Variants in TRMT9B observed in about 807,000 individuals in gnomAD.
TRMT9B encodes probable tRNA methyltransferase 9B.
Under a neutral mutation model 11.5 loss-of-function variants are expected in TRMT9B, and 16 were observed. The ratio of observed to expected loss-of-function variants is 1.39; its 90% CI spans 0.94 to 2.11. TRMT9B has a LOEUF of 2.11. Among genes scored for constraint, TRMT9B ranks in the 30% most tolerant of loss-of-function variants. TRMT9B has a pLI of 0.00. For missense variants in TRMT9B, 941 were observed against 553.8 expected, an observed-to-expected ratio of 1.70 and a Z score of -7.02; for synonymous variants, 274 against 192.4, an observed-to-expected ratio of 1.42 and a Z score of -3.51.
At chr8:12,998,198 C>A (rs1033037744) in intron 2 of TRMT9B, among the ~76,000 whole-genome samples, 1 of 152,076 alleles carries the variant, frequency 6.6e-6, no homozygotes, top group Non-Finnish European at 1.5e-5. Context: ...TTGAATTTTC[C>A]TTCTCTTCAT....
chr8:12,996,977 TTTATTTTATTTTATTTTATTTTATTTTA>T (rs1808468400), intron 2 of TRMT9B, among the ~76,000 whole-genome samples: 1 of 111,182 alleles, frequency 9.0e-6, no homozygotes, highest in African/African-American at 4.0e-5. Flanking sequence ...TTTATTTTAT[TTTATTTTATTTTATTTTATTTTATTTTA>T]TTTTTTATTT....
chr8:12,960,986 C>A (rs1303995214), intron 1 of TRMT9B, among the ~76,000 whole-genome samples: 1 of 151,964 alleles, frequency 6.6e-6, no homozygotes, highest in Non-Finnish European at 1.5e-5. Flanking sequence ...ACTAAAAATA[C>A]AAAAATTAGC....
intron 1 of TRMT9B, among the ~76,000 whole-genome samples, chr8:12,976,907 GA>G (rs1804549225): frequency 6.6e-6 from 1 of 152,130 alleles, no homozygotes; most frequent in African/African-American, 2.4e-5. Context: ...ATCTGGGAGG[GA>G]GTTGGGGTAA....
intron 2 of TRMT9B, among the ~76,000 whole-genome samples, chr8:12,991,309 C>G (rs1207141129): frequency 6.6e-6 from 1 of 152,018 alleles, no homozygotes; most frequent in Non-Finnish European, 1.5e-5. Context: ...TTTTATCACA[C>G]AAAAGTTTAC....
At chr8:12,956,960 A>G (rs1160586442) in intron 1 of TRMT9B, among the ~76,000 whole-genome samples, 3 of 152,220 alleles carry the variant, frequency 2.0e-5, no homozygotes, top group African/African-American at 7.2e-5. Context: ...GGTCTTGATT[A>G]TTGAACAAAA....
At chr8:12,984,179 G>A (rs986633914) in intron 1 of TRMT9B, among the ~76,000 whole-genome samples, 6 of 152,124 alleles carry the variant, frequency 3.9e-5, no homozygotes, top group South Asian at 2.1e-4. Context: ...TGTATATAAG[G>A]TATTATGAAA....
At chr8:12,957,024 G>A (rs77659069) in intron 1 of TRMT9B, among the ~76,000 whole-genome samples, 179 of 152,224 alleles carry the variant, frequency 1.2e-3, no homozygotes, top group African/African-American at 3.6e-3. Context: ...GAAAATATTC[G>A]TCCAGGGAGT....
chr8:12,968,489 A>C (rs1006633483), intron 1 of TRMT9B, among the ~76,000 whole-genome samples: 3 of 152,218 alleles, frequency 2.0e-5, no homozygotes, highest in African/African-American at 7.2e-5. Context: ...ACATAGTTTT[A>C]AATAAATTAC....
chr8:12,978,556 A>G (rs1021696135), intron 1 of TRMT9B, among the ~76,000 whole-genome samples: 1 of 141,500 alleles, frequency 7.1e-6, no homozygotes, highest in Non-Finnish European at 1.6e-5. Context: ...AGATAGATAG[A>G]TAGATAGATA....
chr8:13,012,933 A>G, intron 4 of TRMT9B, 76 bp downstream of exon 4: 3 of 1,498,584 alleles, frequency 2.0e-6, no homozygotes, highest in Non-Finnish European at 2.7e-6. Context: ...TCATGACTCA[A>G]CATCCGTTCT....
At chr8:13,015,031 C>T (rs1056050674) in intron 4 of TRMT9B, among the ~76,000 whole-genome samples, 1 of 150,590 alleles carries the variant, frequency 6.6e-6, no homozygotes, top group African/African-American at 2.4e-5. Flanking sequence ...TGCACTCCAG[C>T]CTAAGCAACA....
At chr8:12,960,015 C>T (rs1801875493) in intron 1 of TRMT9B, 4 of 152,218 alleles carry the variant, frequency 2.6e-5, no homozygotes, top group East Asian at 1.9e-4. Context: ...GATCTCAATT[C>T]AGACAATCCC....
intron 3 of TRMT9B, chr8:13,011,284 C>A: frequency 2.0e-6 from 2 of 985,170 alleles, no homozygotes; most frequent in Non-Finnish European, 2.4e-6. Flanking sequence ...CCGCGCCAGA[C>A]CCCAAATTTT....
intron 1 of TRMT9B, among the ~76,000 whole-genome samples, chr8:12,982,913 C>G (rs915796941): frequency 1.3e-5 from 2 of 152,306 alleles, no homozygotes; most frequent in Admixed American, 6.5e-5. Context: ...CGGATGCTAT[C>G]TATGTTTTCC....
At chr8:12,981,717 A>C (rs935383806) in intron 1 of TRMT9B, among the ~76,000 whole-genome samples, 7 of 151,982 alleles carry the variant, frequency 4.6e-5, no homozygotes, top group African/African-American at 1.7e-4. Flanking sequence ...ATCCAGCCTC[A>C]GTCTCCTGAG....
At chr8:13,011,960 A>T in intron 3 of TRMT9B, 2 of 985,376 alleles carry the variant, frequency 2.0e-6, no homozygotes, top group Non-Finnish European at 2.4e-6. Context: ...AAGTGGTAAG[A>T]ATCTTTGGAG....
intron 1 of TRMT9B, among the ~76,000 whole-genome samples, chr8:12,982,675 T>A (rs191179783): frequency 6.6e-6 from 1 of 150,956 alleles, no homozygotes; most frequent in Non-Finnish European, 1.5e-5. Context: ...AAAAAAAAAA[T>A]CATAATCAGA....
intron 4 of TRMT9B, among the ~76,000 whole-genome samples, chr8:13,015,766 A>C (rs1457703157): frequency 1.3e-5 from 2 of 152,158 alleles, no homozygotes; most frequent in Non-Finnish European, 2.9e-5. Context: ...CTCCATGCTT[A>C]TCTGGCTAAG....
chr8:13,004,988 A>T (rs1443968006), intron 2 of TRMT9B, among the ~76,000 whole-genome samples: 1 of 150,782 alleles, frequency 6.6e-6, no homozygotes, highest in Admixed American at 6.7e-5. Context: ...GCACCTCTAG[A>T]CCTGCCCACG....
Sources: allele counts gnomAD v4.1 joint callset (sites outside exome capture counted in the v4.1 genomes callset), GRCh38; gene constraint gnomAD v4.1.1; transcripts MANE v1.5; gene names NCBI Gene and HGNC (gene_info 2026-07-23, HGNC 2026-07-21).